Variants in ATXN2L observed in about 807,000 individuals in gnomAD.
ATXN2L encodes the protein ataxin 2 like, also known as ataxin-2-like protein.
ATXN2L carries 24 observed loss-of-function variants against 120.7 expected under a neutral mutation model. That is an observed-to-expected ratio of 0.20 (90% CI 0.14 to 0.28). ATXN2L has a LOEUF of 0.28. Among genes scored for constraint, ATXN2L ranks in the 10% least tolerant of loss-of-function variants. ATXN2L has a pLI of 1.00. For synonymous variants in ATXN2L, 653 were observed against 568.1 expected, an observed-to-expected ratio of 1.15 and a Z score of -2.13; for missense variants, 1,312 against 1,432.3, an observed-to-expected ratio of 0.92 and a Z score of 1.36.
intron 4 of ATXN2L, 43 bp downstream of exon 4, chr16:28,825,884 G>C (rs746582146): frequency 6.5e-7 from 1 of 1,536,882 alleles, no homozygotes; most frequent in African/African-American, 1.4e-5. Context: ...TTGCAGAGTA[G>C]GAGGAGAATG....
In ATXN2L at chr16:28,836,177, G is replaced by A. The variant is rs367975292; in HGVS notation, c.3140G>A (p.Arg1047His). 3 of 1,614,110 alleles carry A rather than the reference G, an allele frequency of 1.9e-6. No homozygotes were observed. Among genetic ancestry groups the A allele is most frequent in the East Asian group, 2.2e-5 (1 of 44,868 alleles). ...CCAGGAGGAGCCGATGACAGGATTC[G>A]TGAGTTCTCATTAGCTGGGGGAATT... ...GFPGGADDRI[R>H]EFSLAGGIWH... is the part of the protein sequence containing the mutation. The change falls in exon 22 of 22, where the codon CGT becomes CAT. Residue 1047 changes from arginine (R) to histidine (H), a missense_variant. Arg to His is a conservative substitution (Grantham distance 29). Coordinates refer to ENST00000336783, the MANE Select transcript of ATXN2L (RefSeq NM_007245.4).
chr16:28,836,645 C>T lies in ATXN2L; in HGVS notation c.*380C>T, dbSNP rs1961017641. 8 of 1,610,756 alleles carry T rather than the reference C, an allele frequency of 5.0e-6. No individual in the cohort carries two copies. Among genetic ancestry groups the T allele is most frequent in the East Asian group, 2.2e-5 (1 of 44,852 alleles). On this transcript the variant is annotated 3_prime_UTR_variant, in exon 22 of 22. Coordinates refer to ENST00000336783, the MANE Select transcript of ATXN2L (RefSeq NM_007245.4). ...CCGCTCCTTCCCAGACACACCCCCA[C>T]GCCCCCACTGGACGGCATTGGAGGA...
intron 5 of ATXN2L, 23 bp from the exon 6 acceptor site, chr16:28,826,839 G>C: frequency 6.5e-7 from 1 of 1,533,282 alleles, no homozygotes; most frequent in Admixed American, 1.9e-5. Flanking sequence ...CCTGACTCCT[G>C]ATCTTCACCT....
At position 28,829,936 on chromosome 16, in the gene ATXN2L, A is replaced by G. The variant is rs757512169; in HGVS notation, c.912A>G (p.Glu304=). 93 of 1,614,202 alleles carry G rather than the reference A, an allele frequency of 5.8e-5. 1 individual carries two copies. The highest frequency in any genetic ancestry group is 7.6e-5 in the Non-Finnish European group (90 of 1,180,042). Residue 304 remains glutamate, a synonymous_variant, in exon 8 of 22, where the codon GAA becomes GAG. Coordinates refer to ENST00000336783, the MANE Select transcript of ATXN2L (RefSeq NM_007245.4). Reference sequence around the variant, plus strand: ...CGGCCCAGTTGGCTCGAGAGATTGAATCAAGCCCCCAGTACCGCCTACGGA... The same window carrying G: ...CGGCCCAGTTGGCTCGAGAGATTGAGTCAAGCCCCCAGTACCGCCTACGGA... ...LRAAQLAREI[E]SSPQYRLRIA...
chr16:28,827,457 C>G (rs1432808245), intron 6 of ATXN2L, among the ~76,000 whole-genome samples: 1 of 152,138 alleles, frequency 6.6e-6, no homozygotes, highest in Non-Finnish European at 1.5e-5. Flanking sequence ...AACTTACTCT[C>G]TTACTATCTA....
In ATXN2L at chr16:28,834,411, A is replaced by G; in HGVS notation, c.2241A>G (p.Ala747=). Residue 747 remains alanine, a synonymous_variant, in exon 17 of 22, where the codon GCA becomes GCG. Coordinates refer to ENST00000336783, the MANE Select transcript of ATXN2L (RefSeq NM_007245.4). ...GGCAGCAGGGCAAGTACCGGGGAGC[A>G]AAAGGTGAGCAGGGCTGGGAGGGGC... The part of the protein sequence containing the change: ...VPGQQGKYRG[A]KGSLPPQRSD... 2 of 1,614,022 alleles carry G rather than the reference A, an allele frequency of 1.2e-6. No individual in the cohort carries two copies. Among genetic ancestry groups the G allele is most frequent in the Non-Finnish European group, 1.7e-6 (2 of 1,179,900 alleles).
At chr16:28,827,744 T>C (rs774824877) in intron 6 of ATXN2L, among the ~76,000 whole-genome samples, 4 of 149,950 alleles carry the variant, frequency 2.7e-5, no homozygotes, top group Admixed American at 6.6e-5. Context: ...CTCAAAAAAA[T>C]AAATAAAAAC....
Position 28,823,198 on chromosome 16 carries a change from C to A in ATXN2L, c.-62C>A. ...TCGCTTCCCGCGCTCTCCAGCGGGG[C>A]CCCAGCCCCGGCCCCCTCTCTCCCT... On this transcript the variant is annotated 5_prime_UTR_variant, in exon 1 of 22. Coordinates refer to ENST00000336783, the MANE Select transcript of ATXN2L (RefSeq NM_007245.4). 3 of 1,177,590 alleles carry A rather than the reference C, an allele frequency of 2.5e-6. No homozygotes were observed. Among genetic ancestry groups the A allele is most frequent in the Non-Finnish European group, 2.2e-6 (2 of 917,908 alleles). The allele number at this position is 1,177,590 out of a possible 1,614,324, so 72.9% of individuals were successfully genotyped here. A position where few individuals can be genotyped will look rare whatever the true frequency, so the allele number is the denominator to read the frequency against.
chr16:28,833,534 C>T (rs1334442687), intron 15 of ATXN2L, 26 bp downstream of exon 15: 5 of 1,612,690 alleles, frequency 3.1e-6, no homozygotes, highest in Non-Finnish European at 4.2e-6. Context: ...AGAATGTGGA[C>T]TTTGGTTTCT....
chr16:28,823,863 AGGAG>A (rs2050575587), intron 1 of ATXN2L: 1 of 319,104 alleles, frequency 3.1e-6, no homozygotes, highest in Non-Finnish European at 5.6e-6. Context: ...GGGGGGGGCA[AGGAG>A]CTGATCGGGG....
chr16:28,824,548 T>G (rs761551357), intron 1 of ATXN2L: 1 of 1,286,562 alleles, frequency 7.8e-7, no homozygotes, highest in South Asian at 1.2e-5. Context: ...GCAGAGTGGG[T>G]AACGGGCTGA....
chr16:28,830,158 T>C, intron 8 of ATXN2L, 100 bp downstream of exon 8: 3 of 1,220,740 alleles, frequency 2.5e-6, no homozygotes, highest in East Asian at 5.1e-5. Context: ...CTTGTGACCA[T>C]GTAAAATGTC....
At position 28,836,537 on chromosome 16, in the gene ATXN2L, G is replaced by C; in HGVS notation, c.*272G>C. 6.3e-7 allele frequency: 1 copy of C among 1,584,990 alleles called. No homozygotes were observed. The highest frequency in any genetic ancestry group is 8.6e-7 in the Non-Finnish European group (1 of 1,167,600). On this transcript the variant is annotated 3_prime_UTR_variant, in exon 22 of 22. Coordinates refer to ENST00000336783, the MANE Select transcript of ATXN2L (RefSeq NM_007245.4). ...AGACTGGGGTGTGGGGGGCTGAGCT[G>C]GGCACATGAGTGAGGGCTCTGGCTT...
In ATXN2L at chr16:28,832,310, C is replaced by T. The variant is rs2054799171; in HGVS notation, c.1427C>T (p.Ala476Val). ...PIGSAVPTSS[A>V]SIPVTSSVSD... is the part of the protein sequence containing the mutation. ...GGCTCGGCAGTGCCAACCTCTTCAG[C>T]CTCCATCCCTGTGACCTCATCAGTC... Residue 476 changes from alanine to valine, a missense_variant, in exon 11 of 22, where the codon GCC becomes GTC. Transcript: ENST00000336783. 2.5e-6 allele frequency: 4 copies of T among 1,614,160 alleles called. No homozygotes were observed. Among genetic ancestry groups the T allele is most frequent in the East Asian group, 2.2e-5 (1 of 44,888 alleles).
At chr16:28,824,350 C>G in intron 1 of ATXN2L, 1 of 1,203,642 alleles carries the variant, frequency 8.3e-7, no homozygotes. Context: ...GGGCTCTGAT[C>G]GCTGGAGGTG....
rs1435930578 is a variant in ATXN2L at position 28,837,040 on chromosome 16, G to T, written c.*775G>T. 1 of 657,294 alleles carries T rather than the reference G, an allele frequency of 1.5e-6. No homozygotes were observed. Among genetic ancestry groups the T allele is most frequent in the Non-Finnish European group, 2.8e-6 (1 of 357,546 alleles). 40.7% of individuals were successfully genotyped at this position (657,294 alleles called of 1,614,324 possible). ...CATCCTCTCATCTATTCCCCCGCTG[G>T]AGACGGAAGATCTTTTATTTTCTAT... On this transcript the variant is annotated 3_prime_UTR_variant, in exon 22 of 22. Coordinates refer to ENST00000336783, the MANE Select transcript of ATXN2L (RefSeq NM_007245.4).
intron 6 of ATXN2L, among the ~76,000 whole-genome samples, chr16:28,827,514 C>G (rs1351751722): frequency 6.6e-6 from 1 of 152,160 alleles, no homozygotes; most frequent in Non-Finnish European, 1.5e-5. Flanking sequence ...TTCAACATAA[C>G]AAAAAGTATA....
Position 28,832,801 on chromosome 16 carries a change from G to A in ATXN2L, c.1589-16G>A, listed in dbSNP as rs1243762815. 6.2e-7 allele frequency: 1 copy of A among 1,613,096 alleles called. No individual in the cohort carries two copies. Among genetic ancestry groups the A allele is most frequent in the Non-Finnish European group, 8.5e-7 (1 of 1,179,434 alleles). The stretch of plus-strand genomic sequence containing the variant: ...GAATGTTTTGTATTTTCTTCTTTTT[G>A]ACTGTTTTCTCATAGTCCCTGGTCT... On this transcript the variant is annotated splice_polypyrimidine_tract_variant and intron_variant, in intron 12 of 21. Coordinates refer to ENST00000336783, the MANE Select transcript of ATXN2L (RefSeq NM_007245.4).
In ATXN2L at chr16:28,834,211, G is replaced by A. The variant is rs781374234; in HGVS notation, c.2172G>A (p.Gln724=). The A allele has an allele frequency of 2.5e-6, 4 of 1,613,192 alleles. No individual in the cohort carries two copies. Among genetic ancestry groups the A allele is most frequent in the Non-Finnish European group, 3.4e-6 (4 of 1,179,386 alleles). ...AGATCCACATGGGACCAGCTGTGCA[G>A]GTATGCAGAGAGACTGGCCGGGCCC... ...IPQIHMGPAV[Q]APQMYPYPVS... is the part of the protein sequence containing the mutation. Residue 724 remains glutamine (Q), a splice_region_variant and synonymous_variant, in exon 16 of 22, where the codon CAG becomes CAA. Coordinates refer to ENST00000336783, the MANE Select transcript of ATXN2L (RefSeq NM_007245.4).
Sources: allele counts gnomAD v4.1 joint callset (sites outside exome capture counted in the v4.1 genomes callset), GRCh38; gene constraint gnomAD v4.1.1; transcripts MANE v1.5; gene names NCBI Gene and HGNC (gene_info 2026-07-23, HGNC 2026-07-21).